Variants in CDH18 observed in about 807,000 individuals in gnomAD.
CDH18 encodes cadherin 18, also known as cadherin-18.
In CDH18, 31 loss-of-function variants were observed where a neutral mutation model predicts 67.9. The ratio of observed to expected loss-of-function variants is 0.46; its 90% confidence interval spans 0.34 to 0.62. The LOEUF (loss-of-function observed/expected upper bound fraction) is 0.62, where lower values mean the gene tolerates loss of function less well. Ranked by LOEUF, CDH18 falls within the 20% of genes least tolerant of loss-of-function variation. The pLI is 0.01. For missense variants in CDH18, 890 were observed against 975.5 expected, an observed-to-expected ratio of 0.91 and a Z score of 1.17; for synonymous variants, 362 against 347.2, an observed-to-expected ratio of 1.04 and a Z score of -0.48.
intron 9 of CDH18, among the ~76,000 whole-genome samples, chr5:19,536,626 T>C (rs1749462151): frequency 6.6e-6 from 1 of 152,204 alleles, no homozygotes; most frequent in Admixed American, 6.5e-5. Flanking sequence ...TTAGAAACAA[T>C]GTTTCTTAAC....
chr5:20,550,241 TG>T (rs1231726225), intron 1 of CDH18, among the ~76,000 whole-genome samples: 1 of 152,168 alleles, frequency 6.6e-6, no homozygotes, highest in Non-Finnish European at 1.5e-5. Context: ...AAACCAATAC[TG>T]GGTGTATTTT....
In CDH18 at chr5:19,892,537, C is replaced by T. The variant is rs1056123138; in HGVS notation, c.-256-53295G>A. ...CGATCTGTAATCCTCATGTGCATTT[C>T]CTCCTGGTATTTATGTACCTGTATA... On this transcript the variant is annotated intron_variant, in intron 2 of 12. Coordinates refer to ENST00000382275, the MANE Select transcript of CDH18 (RefSeq NM_004934.5). 1.8e-4 allele frequency among the ~76,000 whole-genome samples: 27 copies of T among 152,042 alleles called. 1 individual carries two copies. Among genetic ancestry groups the T allele is most frequent in the Admixed American group, 4.6e-4 (7 of 15,240 alleles).
At chr5:19,961,359 G>T (rs147997809) in intron 2 of CDH18, among the ~76,000 whole-genome samples, 2 of 151,740 alleles carry the variant, frequency 1.3e-5, no homozygotes, top group African/African-American at 2.4e-5. Context: ...CACCCGCCTC[G>T]GCCTCCCAAA....
At chr5:20,081,635 C>A (rs2150544286) in intron 2 of CDH18, among the ~76,000 whole-genome samples, 1 of 152,192 alleles carries the variant, frequency 6.6e-6, no homozygotes, top group East Asian at 1.9e-4. Context: ...AATATTATGT[C>A]TTTTGCAAAA....
At chr5:20,071,810 A>G (rs1580173735) in intron 2 of CDH18, among the ~76,000 whole-genome samples, 1 of 152,230 alleles carries the variant, frequency 6.6e-6, no homozygotes, top group East Asian at 1.9e-4. Flanking sequence ...TCTAAACAGT[A>G]ACCTTTTGAC....
intron 3 of CDH18, among the ~76,000 whole-genome samples, chr5:19,830,866 T>C (rs1001788537): frequency 1.5e-4 from 23 of 152,074 alleles, no homozygotes; most frequent in Admixed American, 1.2e-3. Flanking sequence ...TGAAAATGTA[T>C]GAGATCACAT....
At chr5:20,549,231 A>T (rs1757503491) in intron 1 of CDH18, among the ~76,000 whole-genome samples, 1 of 152,128 alleles carries the variant, frequency 6.6e-6, no homozygotes, top group African/African-American at 2.4e-5. Context: ...TATTTCATAA[A>T]CTTTTATATG....
chr5:19,954,753 C>T (rs1796091813), intron 2 of CDH18, among the ~76,000 whole-genome samples: 1 of 151,918 alleles, frequency 6.6e-6, no homozygotes, highest in Non-Finnish European at 1.5e-5. Context: ...CAAACACACA[C>T]ACACTAACTC....
intron 2 of CDH18, among the ~76,000 whole-genome samples, chr5:20,096,070 G>A (rs1474130381): frequency 6.6e-6 from 1 of 152,004 alleles, no homozygotes; most frequent in Non-Finnish European, 1.5e-5. Context: ...GAGAGATGGA[G>A]AAGCAGCAAT....
intron 5 of CDH18, among the ~76,000 whole-genome samples, chr5:19,670,475 C>A (rs1188699752): frequency 6.6e-6 from 1 of 152,066 alleles, no homozygotes; most frequent in African/African-American, 2.4e-5. Context: ...AATGAAGGGG[C>A]TCCTGTGCCA....
intron 5 of CDH18, among the ~76,000 whole-genome samples, chr5:19,634,411 T>G (rs184001243): frequency 6.6e-6 from 1 of 152,190 alleles, no homozygotes; most frequent in Admixed American, 6.5e-5. Flanking sequence ...ATTACTTCCC[T>G]ACGACTCAAT....
chr5:19,847,441 C>A (rs569686907), intron 2 of CDH18, among the ~76,000 whole-genome samples: 3 of 152,142 alleles, frequency 2.0e-5, no homozygotes, highest in Admixed American at 1.3e-4. Flanking sequence ...ATTCAGATCC[C>A]AAACTCTTGC....
intron 2 of CDH18, among the ~76,000 whole-genome samples, chr5:20,194,402 C>G (rs1008762179): frequency 5.3e-5 from 8 of 152,058 alleles, no homozygotes; most frequent in African/African-American, 1.9e-4. Flanking sequence ...GAATGGTACT[C>G]TAAGCATGGA....
intron 2 of CDH18, among the ~76,000 whole-genome samples, chr5:20,143,823 C>T (rs939069378): frequency 1.3e-5 from 2 of 152,118 alleles, no homozygotes; most frequent in Non-Finnish European, 1.5e-5. Flanking sequence ...TTATTCAGAT[C>T]GCATACCGTG....
chr5:20,333,813 T>A (rs1296321627), intron 1 of CDH18, among the ~76,000 whole-genome samples: 1 of 152,136 alleles, frequency 6.6e-6, no homozygotes, highest in Non-Finnish European at 1.5e-5. Flanking sequence ...AGCATCTTAC[T>A]GGAGGCATCA....
chr5:19,954,863 A>G (rs75277779), intron 2 of CDH18, among the ~76,000 whole-genome samples: 1 of 151,776 alleles, frequency 6.6e-6, no homozygotes, highest in Non-Finnish European at 1.5e-5. Context: ...AAAAAAAAAA[A>G]GAGTTATTGG....
chr5:19,856,067 C>T (rs1322569650), intron 2 of CDH18, among the ~76,000 whole-genome samples: 1 of 152,162 alleles, frequency 6.6e-6, no homozygotes, highest in Non-Finnish European at 1.5e-5. Context: ...TCAATAAACA[C>T]GTTAAGTGAA....
chr5:20,169,607 A>T (rs1736544467), intron 2 of CDH18, among the ~76,000 whole-genome samples: 1 of 152,152 alleles, frequency 6.6e-6, no homozygotes, highest in South Asian at 2.1e-4. Context: ...ACCACTTAGA[A>T]TATTTTTAGT....
At chr5:20,063,795 A>T (rs1742721917) in intron 2 of CDH18, among the ~76,000 whole-genome samples, 1 of 152,142 alleles carries the variant, frequency 6.6e-6, no homozygotes, top group Non-Finnish European at 1.5e-5. Flanking sequence ...TACCAACCTT[A>T]TACTTTTCAC....
Sources: allele counts gnomAD v4.1 joint callset (sites outside exome capture counted in the v4.1 genomes callset), GRCh38; gene constraint gnomAD v4.1.1; transcripts MANE v1.5; gene names NCBI Gene and HGNC (gene_info 2026-07-23, HGNC 2026-07-21).